COL25A1: variants seen among roughly 807,000 people sequenced by gnomAD.
COL25A1 encodes collagen type XXV alpha 1 chain.
Under a neutral mutation model 128.4 loss-of-function variants are expected in COL25A1, and 103 were observed. That is an observed-to-expected ratio of 0.80 (90% CI 0.68 to 0.94). The LOEUF (loss-of-function observed/expected upper bound fraction) is 0.94. COL25A1 is among the 40% of genes least tolerant of loss of function. The probability of loss-of-function intolerance (pLI) is 0.00; values close to 1 mark genes in which losing one functional copy is unlikely to be tolerated. For synonymous variants in COL25A1, 279 were observed against 277.2 expected (o/e 1.01, Z -0.06); for missense variants, 745 against 840.0 (o/e 0.89, Z 1.40).
At chr4:108,987,400 G>C (rs1299764590) in intron 6 of COL25A1, among the ~76,000 whole-genome samples, 2 of 148,114 alleles carry the variant, frequency 1.4e-5, no homozygotes, top group African/African-American at 5.0e-5. Context: ...TTTTGAGATG[G>C]AGTCTCGCTC....
At chr4:109,192,677 C>A (rs1217314517) in intron 3 of COL25A1, among the ~76,000 whole-genome samples, 1 of 151,944 alleles carries the variant, frequency 6.6e-6, no homozygotes, top group African/African-American at 2.4e-5. Flanking sequence ...CACGGTGAAA[C>A]CCTGTCTCTA....
At chr4:108,999,472 T>A (rs929781045) in intron 6 of COL25A1, among the ~76,000 whole-genome samples, 1 of 152,076 alleles carries the variant, frequency 6.6e-6, no homozygotes, top group Non-Finnish European at 1.5e-5. Context: ...AACAACAGAT[T>A]CTGGAGAGGA....
chr4:109,184,075 T>A (rs1774913595), intron 3 of COL25A1, among the ~76,000 whole-genome samples: 1 of 152,150 alleles, frequency 6.6e-6, no homozygotes, highest in Non-Finnish European at 1.5e-5. Flanking sequence ...ATTTCAGAGG[T>A]AGGAAAGCAT....
intron 3 of COL25A1, among the ~76,000 whole-genome samples, chr4:109,095,748 T>G (rs990983040): frequency 1.3e-5 from 2 of 152,196 alleles, no homozygotes; most frequent in African/African-American, 2.4e-5. Flanking sequence ...ACACGGGTAT[T>G]TGTAAAACAA....
intron 3 of COL25A1, among the ~76,000 whole-genome samples, chr4:109,172,441 G>A (rs757145729): frequency 6.6e-6 from 1 of 152,132 alleles, no homozygotes; most frequent in African/African-American, 2.4e-5. Flanking sequence ...ACCTGAAGAT[G>A]AATTTAATTT....
intron 4 of COL25A1, among the ~76,000 whole-genome samples, chr4:109,048,590 A>G (rs2125939238): frequency 6.6e-6 from 1 of 152,314 alleles, no homozygotes; most frequent in African/African-American, 2.4e-5. Flanking sequence ...AAATGTACCA[A>G]TTATTTGTCC....
intron 3 of COL25A1, among the ~76,000 whole-genome samples, chr4:109,255,581 G>T (rs1781018644): frequency 6.6e-6 from 1 of 152,154 alleles, no homozygotes; most frequent in Non-Finnish European, 1.5e-5. Flanking sequence ...TCTCCCAAAT[G>T]AGAAACTGCT....
At chr4:109,123,040 AC>A (rs1768252726) in intron 3 of COL25A1, among the ~76,000 whole-genome samples, 4 of 152,088 alleles carry the variant, frequency 2.6e-5, no homozygotes, top group Non-Finnish European at 2.9e-5. Context: ...ACTATTGCGG[AC>A]CCACAAAAGC....
intron 3 of COL25A1, among the ~76,000 whole-genome samples, chr4:109,200,323 C>A (rs1452117851): frequency 3.3e-5 from 5 of 152,170 alleles, no homozygotes; most frequent in Admixed American, 2.6e-4. Flanking sequence ...AATCATTGCT[C>A]CACTTCCATT....
rs56845799 is a variant in COL25A1, at chr4:109,006,378, A to ATTTTTTTTTTTTTTTTTTTTTTTT, written c.438+3956_438+3979dup. 1.9e-4 allele frequency among the ~76,000 whole-genome samples: 10 copies of ATTTTTTTTTTTTTTTTTTTTTTTT among 51,872 alleles called. No homozygotes were observed. The East Asian group carries it at 2.6e-3, about 13-fold the overall frequency. 34.0% of individuals were successfully genotyped at this position (51,872 alleles called of 152,430 possible). A position where few individuals can be genotyped will look rare whatever the true frequency, so the allele number is the denominator to read the frequency against. ...AGGTGTGCACTGCCACACCCAGCTA[A>ATTTTTTTTTTTTTTTTTTTTTTTT]TTTTTTTTTTTTTTTTTTTTTTTTT... On this transcript the variant is annotated intron_variant, in intron 6 of 37. Transcript: ENST00000399132.
At chr4:109,167,014 T>C (rs1773135691) in intron 3 of COL25A1, among the ~76,000 whole-genome samples, 1 of 152,186 alleles carries the variant, frequency 6.6e-6, no homozygotes. Flanking sequence ...TTATTTTTAA[T>C]AAAATTTCTA....
chr4:108,978,210 T>TG (rs1314130071), intron 6 of COL25A1, among the ~76,000 whole-genome samples: 6 of 152,246 alleles, frequency 3.9e-5, no homozygotes, highest in African/African-American at 7.2e-5. Context: ...TCCTGGCACC[T>TG]GCCAGCTTAG....
At chr4:108,951,289 A>C (rs1376849032) in intron 8 of COL25A1, among the ~76,000 whole-genome samples, 1 of 152,216 alleles carries the variant, frequency 6.6e-6, no homozygotes, top group African/African-American at 2.4e-5. Context: ...AGTAAAGAAC[A>C]GATTAAAAGC....
At chr4:109,244,677 T>C (rs1780144303) in intron 3 of COL25A1, among the ~76,000 whole-genome samples, 1 of 152,118 alleles carries the variant, frequency 6.6e-6, no homozygotes, top group Non-Finnish European at 1.5e-5. Context: ...AGTGATTCAA[T>C]AACAGCAGAA....
chr4:109,022,106 C>G, intron 5 of COL25A1: 1 of 452,074 alleles, frequency 2.2e-6, no homozygotes, highest in Admixed American at 2.4e-5. Context: ...TACACCCCCT[C>G]CCCTTTTGAA....
intron 3 of COL25A1, among the ~76,000 whole-genome samples, chr4:109,170,269 T>C (rs1044992061): frequency 3.9e-5 from 6 of 152,164 alleles, no homozygotes; most frequent in East Asian, 1.9e-4. Context: ...TTTATTTATA[T>C]GCTAAAAAAG....
At chr4:109,072,731 A>T (rs1763072909) in intron 3 of COL25A1, among the ~76,000 whole-genome samples, 2 of 152,178 alleles carry the variant, frequency 1.3e-5, no homozygotes, top group African/African-American at 4.8e-5. Context: ...CAACACCATG[A>T]CCACTATGCA....
chr4:109,043,429 C>G (rs192869808), intron 5 of COL25A1, among the ~76,000 whole-genome samples: 1 of 152,146 alleles, frequency 6.6e-6, no homozygotes, highest in East Asian at 1.9e-4. Context: ...TCAAACCGAG[C>G]TGACAATTGT....
chr4:109,230,766 G>C (rs1779109711), intron 3 of COL25A1, among the ~76,000 whole-genome samples: 2 of 152,224 alleles, frequency 1.3e-5, no homozygotes, highest in East Asian at 1.9e-4. Context: ...AGGTGACAAA[G>C]AAATAGATAT....
Sources: gnomAD v4.1 joint callset for allele counts (sites outside exome capture counted in the v4.1 genomes callset) on GRCh38, gnomAD v4.1.1 for gene constraint, MANE v1.5 for transcripts, NCBI Gene and HGNC (gene_info 2026-07-23, HGNC 2026-07-21) for gene names.